The following GAD2 variants were observed in gnomAD, a reference collection of about 807,000 sequenced individuals.
GAD2 encodes the protein 65 kDa glutamic acid decarboxylase.
GAD2 carries 22 observed loss-of-function variants against 80.1 expected under a neutral mutation model. The ratio of observed to expected loss-of-function variants is 0.27; its 90% CI spans 0.20 to 0.39. GAD2 has a LOEUF of 0.39. Among genes scored for constraint, GAD2 ranks in the 10% least tolerant of loss-of-function variants. The pLI, the probability that GAD2 is intolerant of heterozygous loss-of-function variation, is 1.00. For missense variants in GAD2, 624 were observed against 738.4 expected, an observed-to-expected ratio of 0.85 and a Z score of 1.80; for synonymous variants, 274 against 256.9, an observed-to-expected ratio of 1.07 and a Z score of -0.64.
chr10:26,237,882 C>G (rs866017944), intron 7 of GAD2, among the ~76,000 whole-genome samples: 18 of 151,992 alleles, frequency 1.2e-4, no homozygotes, highest in Middle Eastern at 3.4e-3. Flanking sequence ...ATGGCGGCAC[C>G]TGTAATCCCA....
At position 26,273,668 on chromosome 10, in the gene GAD2, A is replaced by C. The variant is rs1213319487; in HGVS notation, c.1125A>C (p.Arg375=). ...AAWGGGLLMS[R]KHKWKLSGVE... ...GGGGTGGGGGATTACTGATGTCCCG[A>C]AAACACAAGTGGAAACTGAGTGGCG... The change falls in exon 11 of 16, where the codon CGA becomes CGC. Residue 375 remains arginine, a synonymous_variant. Transcript: ENST00000376261. 1 of 1,614,024 alleles carries C rather than the reference A, an allele frequency of 6.2e-7. No homozygotes were observed. Among genetic ancestry groups the C allele is most frequent in the East Asian group, 2.2e-5 (1 of 44,866 alleles).
chr10:26,226,079 A>AT (rs140411439), intron 6 of GAD2, among the ~76,000 whole-genome samples: 16,054 of 150,730 alleles, frequency 0.11, 2,807 homozygotes, highest in African/African-American at 0.37. Context: ...GCTGGGCTCT[A>AT]TTTTTTTTTC....
chr10:26,234,931 G>A (rs1005437080), intron 7 of GAD2, among the ~76,000 whole-genome samples: 1 of 152,020 alleles, frequency 6.6e-6, no homozygotes, highest in Non-Finnish European at 1.5e-5. Flanking sequence ...AGAGTGCAGT[G>A]GCGCCATCTC....
chr10:26,272,920 T>C (rs6482547), intron 10 of GAD2, among the ~76,000 whole-genome samples: 24,940 of 152,220 alleles, frequency 0.16, 2,993 homozygotes, highest in African/African-American at 0.34. Context: ...TGGGGGGAAG[T>C]GATTATATCA....
rs749596408 is a variant in GAD2 at position 26,300,890 on chromosome 10, A to G, written c.1687A>G (p.Asn563Asp). 6.2e-7 allele frequency: 1 copy of G among 1,613,926 alleles called. No homozygotes were observed. Residue 563 changes from asparagine to aspartate, a missense_variant, in exon 16 of 16, where the codon AAC (asparagine) becomes GAC (aspartate). By Grantham distance (23) the Asn-to-Asp change is conservative (BLOSUM62 1). Coordinates refer to ENST00000376261, the MANE Select transcript of GAD2 (RefSeq NM_001134366.2). ...KVNFFRMVIS[N>D]PAATHQDIDF... Reference sequence around the variant, plus strand: ...CAATTTCTTCCGCATGGTCATCTCAAACCCAGCGGCAACTCACCAAGACAT... The same window carrying G: ...CAATTTCTTCCGCATGGTCATCTCAGACCCAGCGGCAACTCACCAAGACAT...
intron 8 of GAD2, among the ~76,000 whole-genome samples, chr10:26,252,182 A>G (rs955604793): frequency 6.6e-6 from 1 of 152,116 alleles, no homozygotes; most frequent in Non-Finnish European, 1.5e-5. Flanking sequence ...CCTACCACAC[A>G]TTAGTCTATC....
chr10:26,304,208 T>C lies in GAD2; in HGVS notation c.*3247T>C, dbSNP rs144720993. ...CTCTGCTGGTCACTGGAGTAGTTGCTACTCTTCAGAATATGGACAAAGAAG... is the reference window on the plus strand; with the variant it reads ...CTCTGCTGGTCACTGGAGTAGTTGCCACTCTTCAGAATATGGACAAAGAAG... On this transcript the variant is annotated 3_prime_UTR_variant, in exon 16 of 16. Transcript: ENST00000376261. 5.2e-4 allele frequency: 79 copies of C among 152,752 alleles called. No individual in the cohort carries two copies. The highest frequency in any genetic ancestry group is 1.8e-3 in the African/African-American group (75 of 41,564). 9.5% of individuals were successfully genotyped at this position (152,752 alleles called of 1,614,324 possible).
At chr10:26,224,825 G>A in intron 6 of GAD2, 174 bp downstream of exon 6, 2 of 576,864 alleles carry the variant, frequency 3.5e-6, no homozygotes, top group Non-Finnish European at 3.1e-6. Context: ...ATGCCTCCAA[G>A]CTAAGTAACC....
In GAD2 at chr10:26,217,992, G is replaced by A; in HGVS notation, c.286+1G>A. 1 of 1,602,650 alleles carries A rather than the reference G, an allele frequency of 6.2e-7. No homozygotes were observed. Among genetic ancestry groups the A allele is most frequent in the Non-Finnish European group, 8.5e-7 (1 of 1,174,184 alleles). On this transcript the variant is annotated splice_donor_variant, in intron 3 of 15. Transcript: ENST00000376261. LOFTEE classifies it high-confidence loss of function. This position sits in a 1 kb window ranked among gnomAD's most constrained non-coding sequence, Gnocchi z 4.9. ...AACTACGCGTTTCTCCATGCAACAG[G>A]TAAAGACTCAGCGGGGAGCCCCGGG...
In GAD2 at chr10:26,300,808, C is replaced by CA; in HGVS notation, c.1606dup (p.Arg536LysfsTer37). The CA allele has an allele frequency of 6.2e-7, 1 of 1,613,638 alleles. No homozygotes were observed. Among genetic ancestry groups the CA allele is most frequent in the Non-Finnish European group, 8.5e-7 (1 of 1,179,670 alleles). ...CACAGGTGGCTCCAGTGATTAAAGC[C>CA]AGAATGATGGAGTATGGAACCACAA... On this transcript the variant is annotated frameshift_variant, in exon 16 of 16. Transcript: ENST00000376261. LOFTEE classifies it high-confidence loss of function.
At chr10:26,251,089 A>G (rs567090463) in intron 8 of GAD2, among the ~76,000 whole-genome samples, 2 of 135,192 alleles carry the variant, frequency 1.5e-5, no homozygotes, top group African/African-American at 5.7e-5. Context: ...TTTAGTAGAG[A>G]TGGGGTTTCA....
chr10:26,273,429 G>A (rs1845161193), intron 10 of GAD2, among the ~76,000 whole-genome samples: 1 of 152,184 alleles, frequency 6.6e-6, no homozygotes, highest in Non-Finnish European at 1.5e-5. Context: ...CTCCAAGGTG[G>A]CTCCTTACAC....
chr10:26,287,148 G>A (rs1044530089), intron 13 of GAD2, among the ~76,000 whole-genome samples: 3 of 152,154 alleles, frequency 2.0e-5, no homozygotes, highest in African/African-American at 7.2e-5. Context: ...AATGTAAGCA[G>A]GCTGGATAGG....
At chr10:26,275,429 AG>A (rs1564668653) in intron 11 of GAD2, among the ~76,000 whole-genome samples, 2 of 152,350 alleles carry the variant, frequency 1.3e-5, no homozygotes, top group East Asian at 3.9e-4. Flanking sequence ...TTGAGAGCAA[AG>A]CTTAGAACGT....
intron 7 of GAD2, among the ~76,000 whole-genome samples, chr10:26,232,879 C>G (rs1275416110): frequency 6.6e-6 from 1 of 152,196 alleles, no homozygotes; most frequent in Non-Finnish European, 1.5e-5. Context: ...CTTCTTGTGT[C>G]TCTATCTATG....
At chr10:26,286,052 G>A (rs1240418106) in intron 12 of GAD2, among the ~76,000 whole-genome samples, 1 of 152,058 alleles carries the variant, frequency 6.6e-6, no homozygotes, top group African/African-American at 2.4e-5. Flanking sequence ...TTATTTATCA[G>A]TTGATTTTTA....
Position 26,224,533 on chromosome 10 carries a change from TTTCAGG to T in GAD2, c.612-1_616del. On this transcript the variant is annotated splice_acceptor_variant and splice_polypyrimidine_tract_variant and coding_sequence_variant and intron_variant, in exon 6 of 16. Coordinates refer to ENST00000376261, the MANE Select transcript of GAD2 (RefSeq NM_001134366.2). LOFTEE classifies it high-confidence loss of function. ...GAGGTAAAATGTGGCCATTACTACA[TTTCAGG>T]TTCACCTATGAAATTGCTCCAGTAT... is the stretch of plus-strand genomic sequence containing the variant. 1 of 1,574,984 alleles carries T rather than the reference TTTCAGG, an allele frequency of 6.3e-7. No homozygotes were observed. Among genetic ancestry groups the T allele is most frequent in the Non-Finnish European group, 8.7e-7 (1 of 1,144,394 alleles).
At chr10:26,222,251 G>A (rs1301356919) in intron 4 of GAD2, among the ~76,000 whole-genome samples, 1 of 152,116 alleles carries the variant, frequency 6.6e-6, no homozygotes, top group Non-Finnish European at 1.5e-5. Flanking sequence ...ATATCCAGAG[G>A]CACAACACAC....
In GAD2 at chr10:26,262,409, A is replaced by T. The variant is rs188934372; in HGVS notation, c.921-6710A>T. 1.8e-4 allele frequency among the ~76,000 whole-genome samples: 27 copies of T among 151,978 alleles called. No homozygotes were observed. The East Asian group carries it at 4.8e-3, about 27-fold the overall frequency. On this transcript the variant is annotated intron_variant, in intron 8 of 15. Transcript: ENST00000376261. ...ATAGAATGCTTTAAAATATTAAAAT[A>T]TCTTTATTCATAACATCTCTTTCAT...
Sources: allele counts gnomAD v4.1 joint callset (sites outside exome capture counted in the v4.1 genomes callset), GRCh38; gene constraint gnomAD v4.1.1; non-coding constraint Gnocchi (gnomAD v3.1); transcripts MANE v1.5; gene names NCBI Gene and HGNC (gene_info 2026-07-23, HGNC 2026-07-21).